The following SVEP1 variants were observed in gnomAD, a reference collection of about 807,000 sequenced individuals.
SVEP1 encodes the protein sushi, von Willebrand factor type A, EGF and pentraxin domain-containing protein 1.
In SVEP1, 164 loss-of-function variants were observed where a neutral mutation model predicts 367.3. That is an observed-to-expected ratio of 0.45 (90% CI 0.39 to 0.51). The LOEUF (loss-of-function observed/expected upper bound fraction) is 0.51. Ranked by LOEUF, SVEP1 falls within the 20% of genes least tolerant of loss-of-function variation. SVEP1 has a pLI of 0.00. For synonymous variants in SVEP1, 1,666 were observed against 1,611.6 expected, an observed-to-expected ratio of 1.03 and a Z score of -0.81; for missense variants, 4,117 against 4,425.3, an observed-to-expected ratio of 0.93 and a Z score of 1.98.
rs890542453 is a variant in SVEP1 at position 110,458,353 on chromosome 9, C to T, written c.3576+118G>A. The T allele has an allele frequency of 9.5e-5, 76 of 801,148 alleles. No individual in the cohort carries two copies. The East Asian group carries it at 2.0e-3, about 21-fold the overall frequency. 49.6% of individuals were successfully genotyped at this position (801,148 alleles called of 1,614,324 possible). A position where few individuals can be genotyped will look rare whatever the true frequency, so the allele number is the denominator to read the frequency against. On this transcript the variant is annotated intron_variant, in intron 20 of 47. Transcript: ENST00000374469. ...AATACAATTATTCATTTATAAAATT[C>T]ATACATCTTGATTACTTAAAGTTTC... is the stretch of plus-strand genomic sequence containing the variant.
In SVEP1 at chr9:110,445,964, G is replaced by A; in HGVS notation, c.4336C>T (p.Pro1446Ser). Residue 1446 changes from proline to serine, a missense_variant, in exon 26 of 48, where the codon CCA (proline) becomes TCA (serine). Transcript: ENST00000374469. ...YGYVMLDGML[P>S]SLHALTCTFW... ...GTACAGGTTAGAGCATGGAGAGATG[G>A]GAGCATGCCATCTAGCATGACATAT... 6.2e-7 allele frequency: 1 copy of A among 1,613,876 alleles called. No homozygotes were observed. Among genetic ancestry groups the A allele is most frequent in the Non-Finnish European group, 8.5e-7 (1 of 1,179,830 alleles).
rs202177526 is a variant in SVEP1 at position 110,375,452 on chromosome 9, G to A, written c.10516C>T (p.Leu3506Phe). The A allele has an allele frequency of 6.6e-3, 3,600 of 547,916 alleles. 7 individuals are homozygous for A. Among genetic ancestry groups the A allele is most frequent in the Non-Finnish European group, 9.6e-3 (3,288 of 343,204 alleles). 33.9% of individuals were successfully genotyped at this position (547,916 alleles called of 1,614,324 possible). A position where few individuals can be genotyped will look rare whatever the true frequency, so the allele number is the denominator to read the frequency against. The change falls in exon 46 of 48, where the codon CTT becomes TTT. Residue 3506 changes from leucine to phenylalanine, a missense_variant. Leu to Phe is a conservative substitution (Grantham distance 22). Around this residue, in one of 4 missense-constraint regions of SVEP1, gnomAD observed 1,765 missense variants for 1,781.1 expected, o/e 0.99. Coordinates refer to ENST00000374469, the MANE Select transcript of SVEP1 (RefSeq NM_153366.4). ...GRLCEEPICI[L>F]PCLNGGRCVA... ...CAGCGACCTCCGTTCAGACAGGGAA[G>A]AATGCAGATTGCTAAAAAAAAAAAA...
At chr9:110,425,791 T>A (rs78144535) in intron 36 of SVEP1, among the ~76,000 whole-genome samples, 1 of 152,220 alleles carries the variant, frequency 6.6e-6, no homozygotes, top group African/African-American at 2.4e-5. Context: ...TCTGTACATG[T>A]AGCATCATCT....
chr9:110,483,153 C>T (rs1829221267), intron 10 of SVEP1, among the ~76,000 whole-genome samples: 1 of 152,140 alleles, frequency 6.6e-6, no homozygotes, highest in African/African-American at 2.4e-5. Flanking sequence ...TTAAAATAAA[C>T]TTCAATTGTA....
At chr9:110,523,428 GAA>G (rs1205252290) in intron 3 of SVEP1, among the ~76,000 whole-genome samples, 1 of 151,916 alleles carries the variant, frequency 6.6e-6, no homozygotes, top group Non-Finnish European at 1.5e-5. Context: ...CAGGAAGACA[GAA>G]AAAAATAAAC....
chr9:110,381,999 A>G (rs4978919), intron 43 of SVEP1, among the ~76,000 whole-genome samples: 130,545 of 152,186 alleles, frequency 0.86, 56,407 homozygotes, highest in African/African-American at 0.96. Flanking sequence ...GAAACTAGAA[A>G]TACAACCCCT....
chr9:110,393,659 T>C (rs1339080653), intron 40 of SVEP1, among the ~76,000 whole-genome samples: 1 of 151,788 alleles, frequency 6.6e-6, no homozygotes. Context: ...ACTCCCACTC[T>C]AATACTGTGT....
At chr9:110,572,789 C>CACAAAAAAAAA (rs1830580760) in intron 1 of SVEP1, among the ~76,000 whole-genome samples, 2 of 76,526 alleles carry the variant, frequency 2.6e-5, no homozygotes, top group African/African-American at 1.0e-4. Context: ...CTCTCTCTCA[C>CACAAAAAAAAA]AAAAAAAAAA....
intron 37 of SVEP1, among the ~76,000 whole-genome samples, chr9:110,410,074 C>T (rs2118500888): frequency 7.9e-6 from 1 of 127,148 alleles, no homozygotes; most frequent in African/African-American, 3.5e-5. Flanking sequence ...AAATGAACAC[C>T]TCTCTACTTA....
intron 40 of SVEP1, among the ~76,000 whole-genome samples, chr9:110,389,856 CTG>C (rs1827599890): frequency 7.5e-6 from 1 of 133,806 alleles, no homozygotes; most frequent in African/African-American, 2.5e-5. Flanking sequence ...TAATTATAAT[CTG>C]TAGCTAAGAC....
chr9:110,483,909 A>G (rs983048949), intron 9 of SVEP1, among the ~76,000 whole-genome samples: 4 of 152,208 alleles, frequency 2.6e-5, no homozygotes, highest in Non-Finnish European at 4.4e-5. Context: ...TGTTGAAGAA[A>G]AAAATGCCAC....
In SVEP1 at chr9:110,372,298, C is replaced by T. The variant is rs148556738; in HGVS notation, c.10601-2282G>A. Among the ~76,000 whole-genome samples the T allele has an allele frequency of 1.5e-3, 227 of 152,318 alleles. 1 individual carries two copies. The highest frequency in any genetic ancestry group is 5.1e-3 in the African/African-American group (214 of 41,566). On this transcript the variant is annotated intron_variant, in intron 46 of 47. Coordinates refer to ENST00000374469, the MANE Select transcript of SVEP1 (RefSeq NM_153366.4). ...ATTTTGATTAGCCTCTATCTTAACA[C>T]GTCCTAGTTATCTATTTATAGGCCA...
intron 3 of SVEP1, among the ~76,000 whole-genome samples, chr9:110,530,338 A>G (rs1156967673): frequency 2.0e-5 from 3 of 152,130 alleles, no homozygotes; most frequent in Non-Finnish European, 2.9e-5. Flanking sequence ...AAATTGGTAT[A>G]TCCTGGTCAC....
chr9:110,377,243 T>C, intron 45 of SVEP1, 28 bp downstream of exon 45: 1 of 1,605,118 alleles, frequency 6.2e-7, no homozygotes. Flanking sequence ...TTGTCAGGAC[T>C]CAAAGTAAGA....
In SVEP1 at chr9:110,579,424, G is replaced by T; in HGVS notation, c.120C>A (p.Pro40=). 1 of 1,586,024 alleles carries T rather than the reference G, an allele frequency of 6.3e-7. No individual in the cohort carries two copies. Among genetic ancestry groups the T allele is most frequent in the South Asian group, 1.1e-5 (1 of 87,542 alleles). ...GCGCGGGGATACTCCCGGGGGCCCC[G>T]GGCGCGGTCTCGGGGAAGAGGCGGA... ...FSFRLFPETA[P]GAPGSIPAPP... is the part of the protein sequence containing the mutation. Residue 40 remains proline (P), a synonymous_variant, in exon 1 of 48, where the codon CCC becomes CCA. Transcript: ENST00000374469. This position sits in a 1 kb window ranked among gnomAD's most constrained non-coding sequence, Gnocchi z 5.3.
chr9:110,523,788 A>C (rs1482944990), intron 3 of SVEP1, among the ~76,000 whole-genome samples: 1 of 152,112 alleles, frequency 6.6e-6, no homozygotes, highest in African/African-American at 2.4e-5. Flanking sequence ...TTCCCACCTG[A>C]AGAAGCTTGA....
chr9:110,508,792 G>T (rs377378173), intron 5 of SVEP1, among the ~76,000 whole-genome samples: 2 of 135,380 alleles, frequency 1.5e-5, no homozygotes, highest in African/African-American at 5.4e-5. Flanking sequence ...AAGAAAGAAA[G>T]AAATGCAGAA....
At chr9:110,453,168 T>C (rs1229570930) in intron 22 of SVEP1, among the ~76,000 whole-genome samples, 1 of 152,156 alleles carries the variant, frequency 6.6e-6, no homozygotes, top group East Asian at 1.9e-4. Flanking sequence ...GAAAATTATA[T>C]ACCCACACAT....
At chr9:110,396,274 G>A (rs1588032002) in intron 40 of SVEP1, among the ~76,000 whole-genome samples, 1 of 151,118 alleles carries the variant, frequency 6.6e-6, no homozygotes, top group East Asian at 1.9e-4. Flanking sequence ...AATGAAGGCA[G>A]AAATAAAGAT....
Sources: allele counts gnomAD v4.1 joint callset (sites outside exome capture counted in the v4.1 genomes callset), GRCh38; gene constraint gnomAD v4.1.1; regional missense constraint gnomAD v4.1.1; non-coding constraint Gnocchi (gnomAD v3.1); transcripts MANE v1.5; gene names NCBI Gene and HGNC (gene_info 2026-07-23, HGNC 2026-07-21).